The following TRIML1 variants were observed in gnomAD, a reference collection of about 807,000 sequenced individuals.
TRIML1 encodes tripartite motif family like 1, also known as probable E3 ubiquitin-protein ligase TRIML1.
TRIML1 carries 34 observed loss-of-function variants against 32.3 expected under a neutral mutation model. The observed-to-expected ratio is 1.05, with a 90% CI of 0.80 to 1.40. TRIML1 has a LOEUF of 1.40. Ranked by LOEUF, TRIML1 falls within the 40% of genes most tolerant of loss-of-function variation. The pLI, the probability that TRIML1 is intolerant of heterozygous loss-of-function variation, is 0.00. For synonymous variants in TRIML1, 244 were observed against 226.6 expected (o/e 1.08, Z -0.69); for missense variants, 595 against 574.9 (o/e 1.03, Z -0.36).
At chr4:188,142,969 C>T (rs970518705) in intron 3 of TRIML1, 1 of 156,368 alleles carries the variant, frequency 6.4e-6, no homozygotes, top group African/African-American at 2.4e-5. Flanking sequence ...AGTTAATAGA[C>T]AGGAGAGCCC....
intron 3 of TRIML1, 139 bp downstream of exon 3, chr4:188,142,621 T>C: frequency 1.6e-6 from 1 of 644,878 alleles, no homozygotes; most frequent in Non-Finnish European, 2.7e-6. Flanking sequence ...GAATTGACAT[T>C]CTATATGTCA....
chr4:188,139,468 C>A lies in TRIML1; in HGVS notation c.-91C>A, dbSNP rs1196103567. The A allele has an allele frequency of 2.3e-6, 3 of 1,305,682 alleles. No individual in the cohort carries two copies. Among genetic ancestry groups the A allele is most frequent in the East Asian group, 2.3e-5 (1 of 42,824 alleles). The allele number at this position is 1,305,682 out of a possible 1,614,324, so 80.9% of individuals were successfully genotyped here. ...CATAACAACATAGGAACAGGTCACC[C>A]GCGTGTTACTCAAAACTGTAGGACG... On this transcript the variant is annotated 5_prime_UTR_variant, in exon 1 of 6. Coordinates refer to ENST00000332517, the MANE Select transcript of TRIML1 (RefSeq NM_178556.5).
intron 3 of TRIML1, 40 bp from the exon 4 acceptor site, chr4:188,143,798 C>A (rs28463290): frequency 6.2e-7 from 1 of 1,613,282 alleles, no homozygotes; most frequent in Admixed American, 1.7e-5. Context: ...GTGTTATGAT[C>A]AAAGCGCACC....
At chr4:188,149,401 G>A (rs1735194437), downstream of TRIML1, among the ~76,000 whole-genome samples, 2 of 152,246 alleles carry the variant, frequency 1.3e-5, no homozygotes, top group South Asian at 4.1e-4. Flanking sequence ...TAGGAAAAAT[G>A]TTTATCAGAG....
At chr4:188,143,449 C>T (rs9784510) in intron 3 of TRIML1, 50,724 of 240,940 alleles carry the variant, frequency 0.21, 6,243 homozygotes, top group African/African-American at 0.32. Context: ...TAATTTAGTG[C>T]CTTCCAAACA....
At chr4:188,144,339 G>A (rs1442112687) in intron 5 of TRIML1, among the ~76,000 whole-genome samples, 1 of 149,760 alleles carries the variant, frequency 6.7e-6, no homozygotes, top group Non-Finnish European at 1.5e-5. Flanking sequence ...GGCTTTATCT[G>A]GCTTTGTTTT....
Position 188,147,643 on chromosome 4 carries a change from A to C in TRIML1, c.*271A>C, listed in dbSNP as rs1579173128. Reference sequence around the variant, plus strand: ...TACCCCATGTGTGTGCTGGTCACTCAAATATTGAGCCCCTATTACCATGAA... The same window carrying C: ...TACCCCATGTGTGTGCTGGTCACTCCAATATTGAGCCCCTATTACCATGAA... On this transcript the variant is annotated 3_prime_UTR_variant, in exon 6 of 6. Coordinates refer to ENST00000332517, the MANE Select transcript of TRIML1 (RefSeq NM_178556.5). The C allele has an allele frequency of 3.0e-6, 1 of 333,236 alleles. No individual in the cohort carries two copies. The highest frequency in any genetic ancestry group is 5.4e-6 in the Non-Finnish European group (1 of 185,106). The allele number at this position is 333,236 out of a possible 1,614,324, so 20.6% of individuals were successfully genotyped here.
rs1223581791 is a variant in TRIML1, at chr4:188,142,454, G to C, written c.707G>C (p.Ser236Thr). 2 of 1,613,854 alleles carry C rather than the reference G, an allele frequency of 1.2e-6. No homozygotes were observed. Among genetic ancestry groups the C allele is most frequent in the East Asian group, 4.5e-5 (2 of 44,862 alleles). The change falls in exon 3 of 6, where the codon AGT becomes ACT. Residue 236 changes from serine (S) to threonine (T), a missense_variant. Coordinates refer to ENST00000332517, the MANE Select transcript of TRIML1 (RefSeq NM_178556.5). ...SKMIAQIESS[S>T]QSSAFESLEE... is the part of the protein sequence containing the mutation. ...ATGATCGCACAGATTGAGTCCTCAA[G>C]TCAAAGCTCGGCTTTCGAATCTCTT... is the stretch of plus-strand genomic sequence containing the variant.
At chr4:188,144,207 C>T (rs1734972051) in intron 5 of TRIML1, 74 bp downstream of exon 5, 1 of 1,290,758 alleles carries the variant, frequency 7.7e-7, no homozygotes. Flanking sequence ...CAGTGTCAGA[C>T]ATTCACGATC....
chr4:188,142,207 CGTGTGTGT>C (rs61461219), intron 2 of TRIML1, 37 bp from the exon 3 acceptor site: 119,880 of 973,010 alleles, frequency 0.12, 19 homozygotes, highest in South Asian at 0.16. Flanking sequence ...AACTTTATCT[CGTGTGTGT>C]GTGTGTGTGT....
upstream of TRIML1, among the ~76,000 whole-genome samples, chr4:188,138,959 A>G (rs1734747749): frequency 6.6e-6 from 1 of 152,112 alleles, no homozygotes; most frequent in Non-Finnish European, 1.5e-5. Flanking sequence ...ATTAAATAAA[A>G]GTACACAGTA....
intron 2 of TRIML1, chr4:188,140,933 G>T (rs1246015180): frequency 1.0e-5 from 2 of 193,272 alleles, no homozygotes; most frequent in Non-Finnish European, 1.0e-5. Context: ...GAGACGGAAA[G>T]CGATTTTAAA....
Position 188,147,367 on chromosome 4 carries a change from G to T in TRIML1, c.1402G>T (p.Val468Phe). The T allele has an allele frequency of 6.7e-7, 1 of 1,492,872 alleles. No homozygotes were observed. Among genetic ancestry groups the T allele is most frequent in the Non-Finnish European group, 8.9e-7 (1 of 1,122,922 alleles). 92.5% of individuals were successfully genotyped at this position (1,492,872 alleles called of 1,614,324 possible). A position where few individuals can be genotyped will look rare whatever the true frequency, so the allele number is the denominator to read the frequency against. Residue 468 changes from valine (V) to phenylalanine (F), a missense_variant, in exon 6 of 6, where the codon GTC becomes TTC. Physicochemically the swap from Val to Phe is conservative, Grantham distance 50 (BLOSUM62 -1). Transcript: ENST00000332517. ...PLTICSLNSH[V>F] ...CACCATCTGCTCACTGAACAGCCACGTCTGAGGGGCGTGCCCTGAGCCGTC... is the reference window on the plus strand; with the variant it reads ...CACCATCTGCTCACTGAACAGCCACTTCTGAGGGGCGTGCCCTGAGCCGTC...
chr4:188,149,685 A>T (rs1432974056), downstream of TRIML1, among the ~76,000 whole-genome samples: 1 of 152,140 alleles, frequency 6.6e-6, no homozygotes, highest in Non-Finnish European at 1.5e-5. Context: ...CCCACCCTGA[A>T]TTCAGCATTT....
chr4:188,147,251 T>C lies in TRIML1; in HGVS notation c.1286T>C (p.Ile429Thr), dbSNP rs780777205. 31 of 1,598,674 alleles carry C rather than the reference T, an allele frequency of 1.9e-5. No homozygotes were observed. The highest frequency in any genetic ancestry group is 1.7e-4 in the Admixed American group (10 of 57,886). The change falls in exon 6 of 6, where the codon ATC becomes ACC. Residue 429 changes from isoleucine to threonine, a missense_variant. By Grantham distance (89) the Ile-to-Thr change is moderately conservative. Coordinates refer to ENST00000332517, the MANE Select transcript of TRIML1 (RefSeq NM_178556.5). ...AFYNGTDESL[I>T]YSFPQASFQE... is the part of the protein sequence containing the mutation. ...TACAACGGGACGGATGAATCCCTCA[T>C]CTACAGCTTCCCGCAGGCTTCTTTC...
rs76826594 is a variant in TRIML1 at position 188,139,882 on chromosome 4, C to T, written c.324C>T (p.Asp108=). 296,114 of 1,613,650 alleles carry T rather than the reference C, an allele frequency of 0.18. 29,260 individuals are homozygous for T. Among genetic ancestry groups the T allele is most frequent in the Middle Eastern group, 0.23 (1,414 of 6,058 alleles). Residue 108 remains aspartate (D), a synonymous_variant, in exon 1 of 6, where the codon GAC becomes GAT. Transcript: ENST00000332517. ...MPTTAKALSD[D]EQGGSAFVAQ... ...CCACTGCCAAGGCGCTCTCCGATGA[C>T]GAGCAGGGTGGAAGCGCCTTCGTAG...
chr4:188,137,308 T>C (rs1414927711), upstream of TRIML1, among the ~76,000 whole-genome samples: 1 of 137,982 alleles, frequency 7.2e-6, no homozygotes, highest in Admixed American at 7.4e-5. Flanking sequence ...TTTTTTTTTT[T>C]TTTTTTTTTT....
At chr4:188,140,184 C>T (rs1221602285) in intron 1 of TRIML1, among the ~76,000 whole-genome samples, 1 of 150,836 alleles carries the variant, frequency 6.6e-6, no homozygotes, top group Admixed American at 6.6e-5. Context: ...TGCAGCAGTG[C>T]GATCTCAGTC....
chr4:188,145,441 C>CAAAAAAAAAAA lies in TRIML1; in HGVS notation c.856+1333_856+1343dup, dbSNP rs869253721. On this transcript the variant is annotated intron_variant, in intron 5 of 5. Coordinates refer to ENST00000332517, the MANE Select transcript of TRIML1 (RefSeq NM_178556.5). ...TGGGCGACAGAGCGAGACTCCGTCT[C>CAAAAAAAAAAA]AAAAAAAAAAAAAAAAAAAAAAAAA... Among the ~76,000 whole-genome samples the CAAAAAAAAAAA allele has an allele frequency of 2.2e-3, 76 of 34,244 alleles. 4 individuals carry two copies. The highest frequency in any genetic ancestry group is 7.9e-3 in the East Asian group (6 of 760). 22.5% of individuals were successfully genotyped at this position (34,244 alleles called of 152,430 possible).
Sources: gnomAD v4.1 joint callset for allele counts (sites outside exome capture counted in the v4.1 genomes callset) on GRCh38, gnomAD v4.1.1 for gene constraint, MANE v1.5 for transcripts, NCBI Gene and HGNC (gene_info 2026-07-23, HGNC 2026-07-21) for gene names.